Variants in PRKCB observed in about 807,000 individuals in gnomAD.
PRKCB encodes protein kinase C beta type.
A neutral mutation model predicts 81.5 loss-of-function variants in PRKCB; 13 were observed. The ratio of observed to expected loss-of-function variants is 0.16; its 90% confidence interval spans 0.10 to 0.25. PRKCB has a LOEUF of 0.25. Among genes scored for constraint, PRKCB ranks in the 10% least tolerant of loss-of-function variants. The pLI, the probability that PRKCB is intolerant of heterozygous loss-of-function variation, is 1.00. For missense variants in PRKCB, 509 were observed against 875.7 expected, an observed-to-expected ratio of 0.58 and a Z score of 5.29; for synonymous variants, 335 against 321.4, an observed-to-expected ratio of 1.04 and a Z score of -0.45.
Position 24,215,386 on chromosome 16 carries a change from C to T in PRKCB, c.*570C>T. The T allele has an allele frequency of 1.0e-6, 1 of 986,084 alleles. No individual in the cohort carries two copies. The highest frequency in any genetic ancestry group is 1.2e-6 in the Non-Finnish European group (1 of 830,134). 61.1% of individuals were successfully genotyped at this position (986,084 alleles called of 1,614,324 possible). A position where few individuals can be genotyped will look rare whatever the true frequency, so the allele number is the denominator to read the frequency against. On this transcript the variant is annotated 3_prime_UTR_variant, in exon 17 of 17. Coordinates refer to ENST00000643927, the MANE Select transcript of PRKCB (RefSeq NM_002738.7). ...AAAGTTCTAAAATTCCAAGAATGTG[C>T]TTTTAGACGGTCTCAATCTAAAAGC...
At chr16:24,049,520 C>T (rs1393871658) in intron 5 of PRKCB, among the ~76,000 whole-genome samples, 1 of 150,670 alleles carries the variant, frequency 6.6e-6, no homozygotes, top group Non-Finnish European at 1.5e-5. Flanking sequence ...CTGGCACAAC[C>T]GGGACATGCA....
At chr16:23,948,518 C>T (rs113978205) in intron 2 of PRKCB, among the ~76,000 whole-genome samples, 14 of 152,208 alleles carry the variant, frequency 9.2e-5, no homozygotes, top group African/African-American at 2.6e-4. Flanking sequence ...AGTCTCATGC[C>T]GCAGCCTCCC....
chr16:24,175,181 A>G (rs1398305514), intron 12 of PRKCB, among the ~76,000 whole-genome samples: 9 of 152,072 alleles, frequency 5.9e-5, no homozygotes, highest in Admixed American at 3.3e-4. Context: ...CAGGGCGTAC[A>G]ATTCTCCTTG....
At chr16:24,163,529 C>T (rs908857501) in intron 10 of PRKCB, among the ~76,000 whole-genome samples, 2 of 152,058 alleles carry the variant, frequency 1.3e-5, no homozygotes, top group Non-Finnish European at 2.9e-5. Flanking sequence ...TGTGGAATTC[C>T]GAGGAAGAAT....
At chr16:24,062,384 A>G (rs1050351241) in intron 5 of PRKCB, among the ~76,000 whole-genome samples, 1 of 152,182 alleles carries the variant, frequency 6.6e-6, no homozygotes, top group Non-Finnish European at 1.5e-5. Flanking sequence ...GGGCATTTCA[A>G]TCCAAGCCCC....
chr16:23,848,783 G>A (rs1270977732), intron 2 of PRKCB, among the ~76,000 whole-genome samples: 3 of 152,170 alleles, frequency 2.0e-5, no homozygotes, highest in Admixed American at 6.5e-5. Flanking sequence ...TAGCTAAAAG[G>A]ATATAATAAT....
chr16:24,166,858 A>T (rs1967354771), intron 10 of PRKCB, among the ~76,000 whole-genome samples: 1 of 152,152 alleles, frequency 6.6e-6, no homozygotes, highest in Non-Finnish European at 1.5e-5. Context: ...AAGATGATAG[A>T]TCTTAGGGTT....
At chr16:23,848,994 G>A (rs1466762008) in intron 2 of PRKCB, among the ~76,000 whole-genome samples, 2 of 152,202 alleles carry the variant, frequency 1.3e-5, no homozygotes, top group Admixed American at 6.5e-5. Flanking sequence ...CTTACATGTC[G>A]TGGTCAATAG....
At chr16:24,188,545 C>A (rs1967740318) in intron 15 of PRKCB, among the ~76,000 whole-genome samples, 1 of 152,024 alleles carries the variant, frequency 6.6e-6, no homozygotes, top group African/African-American at 2.4e-5. Flanking sequence ...TTAATTGAAG[C>A]AGTGTCCTTT....
rs1370538339 is a variant in PRKCB at position 24,094,353 on chromosome 16, G to A, written c.821+56G>A. On this transcript the variant is annotated intron_variant, in intron 7 of 16. Transcript: ENST00000643927. ...TACAGCTTGCTCCATCAAACGCGGG[G>A]TCAAGTATGTTTTCCTTTTTCTCCA... 11 of 1,577,154 alleles carry A rather than the reference G, an allele frequency of 7.0e-6. No individual in the cohort carries two copies. In the Admixed American group the frequency reaches 1.9e-4, roughly 28 times the overall value.
rs531707938 is a variant in PRKCB at position 24,093,113 on chromosome 16, A to G, written c.686+166A>G. Among the ~76,000 whole-genome samples, 16 of 151,582 alleles carry G rather than the reference A, an allele frequency of 1.1e-4. No homozygotes were observed. The South Asian group carries it at 3.3e-3, about 32-fold the overall frequency. ...CCTATCTTTCCCTCCCTTCTTTTCC[A>G]TCTGCAATTTTGTATTGTGAGCCAA... is the stretch of plus-strand genomic sequence containing the variant. On this transcript the variant is annotated intron_variant, in intron 6 of 16. Transcript: ENST00000643927.
At chr16:23,973,861 G>A (rs1289975495) in intron 2 of PRKCB, among the ~76,000 whole-genome samples, 2 of 151,938 alleles carry the variant, frequency 1.3e-5, no homozygotes, top group East Asian at 1.9e-4. Flanking sequence ...TGCAGAGATA[G>A]GGTTTTGCTG....
At chr16:24,132,283 G>A (rs557712786) in intron 9 of PRKCB, among the ~76,000 whole-genome samples, 11 of 152,188 alleles carry the variant, frequency 7.2e-5, no homozygotes, top group Non-Finnish European at 1.5e-4. Flanking sequence ...GGGGAGTAGG[G>A]CAGGCATGAG....
chr16:24,083,352 G>A (rs542853544), intron 5 of PRKCB, among the ~76,000 whole-genome samples: 138 of 152,152 alleles, frequency 9.1e-4, no homozygotes, highest in Non-Finnish European at 1.8e-3. Flanking sequence ...TTATCTTAAA[G>A]AAGTGAAACT....
At chr16:23,921,621 C>T (rs946298473) in intron 2 of PRKCB, among the ~76,000 whole-genome samples, 5 of 152,060 alleles carry the variant, frequency 3.3e-5, no homozygotes, top group African/African-American at 1.2e-4. Context: ...ACCAACATGG[C>T]AAAACCCTGT....
chr16:24,042,743 A>ATT (rs4039567), intron 5 of PRKCB, among the ~76,000 whole-genome samples: 63,632 of 144,354 alleles, frequency 0.44, 14,294 homozygotes, highest in African/African-American at 0.51. Flanking sequence ...TACATACAAA[A>ATT]TTTTTTTTTT....
At chr16:24,136,191 G>A (rs774092947) in intron 9 of PRKCB, among the ~76,000 whole-genome samples, 5 of 150,842 alleles carry the variant, frequency 3.3e-5, no homozygotes, top group Admixed American at 6.6e-5. Flanking sequence ...TCAATGAAGT[G>A]ACTTACTGCT....
intron 2 of PRKCB, among the ~76,000 whole-genome samples, chr16:23,842,927 T>C (rs993806186): frequency 6.6e-6 from 1 of 152,238 alleles, no homozygotes; most frequent in Non-Finnish European, 1.5e-5. Context: ...AATGAGTAAG[T>C]CAGCTCTTCT....
At chr16:24,116,484 T>C (rs921900082) in intron 8 of PRKCB, among the ~76,000 whole-genome samples, 2 of 152,164 alleles carry the variant, frequency 1.3e-5, no homozygotes, top group Non-Finnish European at 2.9e-5. Context: ...CCACCCGACA[T>C]GCTGGAAGAT....
Sources: allele counts gnomAD v4.1 joint callset (sites outside exome capture counted in the v4.1 genomes callset), GRCh38; gene constraint gnomAD v4.1.1; transcripts MANE v1.5; gene names NCBI Gene and HGNC (gene_info 2026-07-23, HGNC 2026-07-21).